Variants in GARS1 observed in about 807,000 individuals in gnomAD.
GARS1 encodes glycyl-tRNA synthetase 1, also known as glycine--tRNA ligase.
GARS1 carries 46 observed loss-of-function variants against 86.4 expected under a neutral mutation model. The ratio of observed to expected loss-of-function variants is 0.53; its 90% CI spans 0.42 to 0.68. The LOEUF (loss-of-function observed/expected upper bound fraction) is 0.68, where lower values mean the gene tolerates loss of function less well. Ranked by LOEUF, GARS1 falls within the 30% of genes least tolerant of loss-of-function variation. The probability of loss-of-function intolerance (pLI) is 0.00; values close to 1 mark genes in which losing one functional copy is unlikely to be tolerated. For missense variants in GARS1, 797 were observed against 915.6 expected (o/e 0.87, Z 1.67); for synonymous variants, 342 against 329.8 (o/e 1.04, Z -0.40).
intron 4 of GARS1, among the ~76,000 whole-genome samples, chr7:30,602,201 G>C (rs1363091598): frequency 6.6e-6 from 1 of 152,022 alleles, no homozygotes; most frequent in Non-Finnish European, 1.5e-5. Context: ...CCATTCTCTT[G>C]CCTCAGCCTC....
chr7:30,616,523 A>G (rs1180009297), intron 9 of GARS1, among the ~76,000 whole-genome samples: 3 of 152,204 alleles, frequency 2.0e-5, no homozygotes, highest in African/African-American at 7.2e-5. Context: ...GCTGTCCACT[A>G]GTGGAATGAG....
chr7:30,605,883 T>G (rs538828898), intron 6 of GARS1, among the ~76,000 whole-genome samples: 1 of 152,306 alleles, frequency 6.6e-6, no homozygotes, highest in Non-Finnish European at 1.5e-5. Flanking sequence ...CTTAAATGTT[T>G]CCAGTTTTTA....
At chr7:30,618,904 G>A (rs1306869921) in intron 10 of GARS1, among the ~76,000 whole-genome samples, 6 of 152,010 alleles carry the variant, frequency 3.9e-5, no homozygotes, top group African/African-American at 1.2e-4. Flanking sequence ...TAGGATTATG[G>A]GTGATCATTA....
intron 7 of GARS1, among the ~76,000 whole-genome samples, chr7:30,611,316 A>C (rs1016626868): frequency 6.6e-6 from 1 of 152,224 alleles, no homozygotes; most frequent in Non-Finnish European, 1.5e-5. Context: ...GTGAGCCTAT[A>C]CTGATTTCTT....
chr7:30,599,278 A>G (rs1343037132), intron 2 of GARS1, among the ~76,000 whole-genome samples: 5 of 152,244 alleles, frequency 3.3e-5, no homozygotes, highest in South Asian at 4.1e-4. Context: ...CTTTCAAACA[A>G]TAGATCTCCC....
intron 14 of GARS1, 86 bp from the exon 15 acceptor site, chr7:30,631,362 A>G: frequency 9.6e-7 from 1 of 1,040,556 alleles, no homozygotes; most frequent in South Asian, 1.3e-5. Context: ...CACTTGCTGA[A>G]TATTAACCTC....
intron 1 of GARS1, among the ~76,000 whole-genome samples, chr7:30,598,141 G>A (rs1014207986): frequency 6.6e-6 from 1 of 152,034 alleles, no homozygotes; most frequent in Non-Finnish European, 1.5e-5. Flanking sequence ...GATTTAAGAA[G>A]GTGGTCAATT....
At chr7:30,605,581 G>C (rs189215455) in intron 6 of GARS1, among the ~76,000 whole-genome samples, 1 of 152,148 alleles carries the variant, frequency 6.6e-6, no homozygotes, top group African/African-American at 2.4e-5. Context: ...GGAGGGGCAC[G>C]AACATGGCTC....
chr7:30,609,558 A>G, intron 6 of GARS1, 27 bp from the exon 7 acceptor site: 1 of 1,600,192 alleles, frequency 6.2e-7, no homozygotes, highest in Non-Finnish European at 8.6e-7. Flanking sequence ...TCTGTCTTTT[A>G]CACTAATTTC....
At chr7:30,612,052 A>G (rs1377327719) in intron 7 of GARS1, 44 bp from the exon 8 acceptor site, 12 of 1,553,972 alleles carry the variant, frequency 7.7e-6, no homozygotes, top group East Asian at 2.2e-5. Context: ...GTTGGAAAAC[A>G]TAATTTCTTT....
At position 30,601,218 on chromosome 7, in the gene GARS1, A is replaced by T; in HGVS notation, c.569+18A>T. On this transcript the variant is annotated intron_variant, in intron 4 of 16. Transcript: ENST00000389266. ...GTTTTAAAGTGAGATCTTACTTTGG[A>T]GTGGGGGTATCCTACTTTAAATAAA... 2 of 1,610,540 alleles carry T rather than the reference A, an allele frequency of 1.2e-6. No individual in the cohort carries two copies.
chr7:30,594,946 C>T lies in GARS1; in HGVS notation c.25C>T (p.Leu9Phe). ...CATGCCCTCTCCGCGTCCAGTGCTG[C>T]TTAGAGGTGCTCGCGCCGCTCTGCT... MPSPRPVL[L>F]RGARAALLLL... The change falls in exon 1 of 17, where the codon CTT becomes TTT. Residue 9 changes from leucine (L) to phenylalanine (F), a missense_variant. Transcript: ENST00000389266. The T allele has an allele frequency of 6.3e-7, 1 of 1,595,782 alleles. No homozygotes were observed. The highest frequency in any genetic ancestry group is 8.5e-7 in the Non-Finnish European group (1 of 1,178,072).
At chr7:30,627,006 A>G in intron 13 of GARS1, 1 of 438,330 alleles carries the variant, frequency 2.3e-6, no homozygotes, top group South Asian at 1.7e-5. Flanking sequence ...AGTAATTTAG[A>G]CCAGTGATGT....
intron 13 of GARS1, chr7:30,627,080 T>G (rs1467033644): frequency 2.1e-6 from 1 of 466,438 alleles, no homozygotes; most frequent in African/African-American, 2.0e-5. Flanking sequence ...AATTAGGCAA[T>G]GAGTAATTTG....
At chr7:30,633,105 G>A (rs1027089514) in intron 16 of GARS1, among the ~76,000 whole-genome samples, 33 of 152,180 alleles carry the variant, frequency 2.2e-4, no homozygotes, top group Admixed American at 2.0e-3. Flanking sequence ...TCCAGAAGTC[G>A]TGAATTTCTA....
rs1584029927 is a variant in GARS1 at position 30,607,083 on chromosome 7, GTTC to G, written c.736-2499_736-2497del. Among the ~76,000 whole-genome samples the G allele has an allele frequency of 2.6e-5, 4 of 152,192 alleles. No homozygotes were observed. The East Asian group carries it at 7.7e-4, about 29-fold the overall frequency. On this transcript the variant is annotated intron_variant, in intron 6 of 16. Coordinates refer to ENST00000389266, the MANE Select transcript of GARS1 (RefSeq NM_002047.4). ...GAAAACAGTTAAAAACACTTTTATTGTTCTTTTCTTTAGGGATATGCCAGCACT... is the reference window on the plus strand; with the variant it reads ...GAAAACAGTTAAAAACACTTTTATTGTTTTCTTTAGGGATATGCCAGCACT...
intron 6 of GARS1, among the ~76,000 whole-genome samples, chr7:30,607,635 A>G (rs532023964): frequency 3.2e-4 from 48 of 152,342 alleles, no homozygotes; most frequent in African/African-American, 9.9e-4. Flanking sequence ...AACATGGCAC[A>G]TGTATACTTA....
intron 10 of GARS1, among the ~76,000 whole-genome samples, chr7:30,619,123 A>G (rs769203530): frequency 7.2e-5 from 11 of 152,234 alleles, no homozygotes; most frequent in Non-Finnish European, 1.5e-4. Flanking sequence ...TAAGTCTCAC[A>G]GCCAGTGAGT....
rs1362489177 is a variant in GARS1 at position 30,595,000 on chromosome 7, C to A, written c.79C>A (p.Arg27=). Residue 27 remains arginine, a synonymous_variant, in exon 1 of 17, where the codon CGA becomes AGA. Transcript: ENST00000389266. The part of the protein sequence containing the change: ...LLLLPPRLLA[R]PSLLLRRSLS... ...GCTGCTGCCGCCCCGGCTCTTAGCC[C>A]GACCCTCGCTCCTGCTCCGCCGGTC... 5.0e-6 allele frequency: 8 copies of A among 1,589,730 alleles called. No individual in the cohort carries two copies. Among genetic ancestry groups the A allele is most frequent in the Non-Finnish European group, 6.8e-6 (8 of 1,175,800 alleles).
Sources: allele counts gnomAD v4.1 joint callset (sites outside exome capture counted in the v4.1 genomes callset), GRCh38; gene constraint gnomAD v4.1.1; transcripts MANE v1.5; gene names NCBI Gene and HGNC (gene_info 2026-07-23, HGNC 2026-07-21).